The following XRCC3 variants were observed in gnomAD, a reference collection of about 807,000 sequenced individuals.
XRCC3 encodes the protein DNA repair protein XRCC3.
XRCC3 carries 34 observed loss-of-function variants against 29.2 expected under a neutral mutation model. That is an observed-to-expected ratio of 1.16 (90% CI 0.88 to 1.55). The LOEUF (loss-of-function observed/expected upper bound fraction) is 1.55. XRCC3 is among the 40% of genes most tolerant of loss of function. The probability of loss-of-function intolerance (pLI) is 0.00; values close to 1 mark genes in which losing one functional copy is unlikely to be tolerated. For synonymous variants in XRCC3, 223 were observed against 211.3 expected, an observed-to-expected ratio of 1.06 and a Z score of -0.48; for missense variants, 463 against 467.6, an observed-to-expected ratio of 0.99 and a Z score of 0.09.
chr14:103,699,311 G>A (rs1008315699), intron 8 of XRCC3, 53 bp downstream of exon 8: 16 of 1,552,066 alleles, frequency 1.0e-5, no homozygotes, highest in South Asian at 2.3e-5. Context: ...CTCTGCTTCC[G>A]CATCCTGGCT....
intron 2 of XRCC3, chr14:103,712,155 C>T (rs1297130987): frequency 5.4e-6 from 1 of 183,946 alleles, no homozygotes; most frequent in South Asian, 1.1e-4. Context: ...CCAGGCACCC[C>T]GTGAGGCGGG....
Position 103,711,191 on chromosome 14 carries a change from C to A in XRCC3, c.-104G>T. On this transcript the variant is annotated 5_prime_UTR_variant, in exon 4 of 10. Transcript: ENST00000555055. ...CCTTCAATTCAAAGCCTGTGGGAGG[C>A]CCGAACCAGGGAAGTGACAGCAGCC... 7.6e-7 allele frequency: 1 copy of A among 1,321,582 alleles called. No individual in the cohort carries two copies. Among genetic ancestry groups the A allele is most frequent in the Non-Finnish European group, 1.1e-6 (1 of 924,278 alleles). 81.9% of individuals were successfully genotyped at this position (1,321,582 alleles called of 1,614,324 possible). A position where few individuals can be genotyped will look rare whatever the true frequency, so the allele number is the denominator to read the frequency against.
At position 103,711,156 on chromosome 14, in the gene XRCC3, G is replaced by C; in HGVS notation, c.-69C>G. The C allele has an allele frequency of 3.2e-6, 5 of 1,565,048 alleles. No homozygotes were observed. Among genetic ancestry groups the C allele is most frequent in the Non-Finnish European group, 4.4e-6 (5 of 1,136,282 alleles). ...AGACAGAACAATGGATGCAAATTCTGAGGCACTCGCCTTCAATTCAAAGCC... is the reference window on the plus strand; with the variant it reads ...AGACAGAACAATGGATGCAAATTCTCAGGCACTCGCCTTCAATTCAAAGCC... On this transcript the variant is annotated 5_prime_UTR_variant, in exon 4 of 10. An upstream open reading frame in the 5' UTR gains an earlier in-frame stop. Coordinates refer to ENST00000555055, the MANE Select transcript of XRCC3 (RefSeq NM_005432.4).
At position 103,701,476 on chromosome 14, in the gene XRCC3, C is replaced by A. The variant is rs3212096; in HGVS notation, c.561+1697G>T. On this transcript the variant is annotated intron_variant, in intron 7 of 9. Transcript: ENST00000555055. The stretch of plus-strand genomic sequence containing the variant: ...CCCACGGCTCCCTTCCCATGTGTAA[C>A]TTCCTCACGTTGTGTGCGATAACGT... 3.3e-3 allele frequency: 1,424 copies of A among 431,216 alleles called. 14 individuals carry two copies. Among genetic ancestry groups the A allele is most frequent in the African/African-American group, 0.025 (1,262 of 50,130 alleles). The allele number at this position is 431,216 out of a possible 1,614,324, so 26.7% of individuals were successfully genotyped here.
intron 7 of XRCC3, 60 bp downstream of exon 7, chr14:103,703,113 T>C: frequency 6.5e-7 from 1 of 1,542,414 alleles, no homozygotes; most frequent in Non-Finnish European, 8.7e-7. Flanking sequence ...TGGCTACACC[T>C]GCCCCAATGG....
At chr14:103,703,415 T>C in intron 6 of XRCC3, 88 bp from the exon 7 acceptor site, 2 of 1,411,976 alleles carry the variant, frequency 1.4e-6, no homozygotes, top group South Asian at 1.2e-5. Flanking sequence ...TCTCCCGCCA[T>C]TTCTAACTCT....
chr14:103,703,889 C>T (rs2151933209), intron 6 of XRCC3: 1 of 171,316 alleles, frequency 5.8e-6, no homozygotes, highest in East Asian at 1.6e-4. Context: ...CCCCTGTGCA[C>T]TGCCGCTAGG....
chr14:103,703,051 C>G (rs1303919636), intron 7 of XRCC3, 122 bp downstream of exon 7: 20 of 1,450,002 alleles, frequency 1.4e-5, no homozygotes, highest in Admixed American at 2.0e-5. Flanking sequence ...ATGCTGTGTT[C>G]AGAGCTGAGC....
At chr14:103,706,707 C>T (rs567011064) in intron 6 of XRCC3, 50 of 471,356 alleles carry the variant, frequency 1.1e-4, no homozygotes, top group Middle Eastern at 6.2e-4. Context: ...CTGTGCGGAA[C>T]GTGGGCCGGC....
In XRCC3 at chr14:103,699,450, GGGCGGA is replaced by G. The variant is rs761813245; in HGVS notation, c.682_687del (p.Ser228_Ala229del). 1 of 1,612,922 alleles carries G rather than the reference GGGCGGA, an allele frequency of 6.2e-7. No individual in the cohort carries two copies. The highest frequency in any genetic ancestry group is 8.5e-7 in the Non-Finnish European group (1 of 1,179,968). ...AGGGACTGCAGATGCCTGGCCCTGG[GGGCGGA>G]GGCCTGGCTGTCAAATTCACAGCGG... On this transcript the variant is annotated inframe_deletion, in exon 8 of 10. Transcript: ENST00000555055.
intron 6 of XRCC3, chr14:103,703,665 T>G: frequency 2.1e-5 from 8 of 378,674 alleles, no homozygotes; most frequent in East Asian, 6.3e-5. Flanking sequence ...TGAACCTCCG[T>G]TCCCCACTGC....
chr14:103,713,271 C>T (rs909359023), intron 1 of XRCC3: 9 of 152,286 alleles, frequency 5.9e-5, no homozygotes, highest in African/African-American at 1.9e-4. Flanking sequence ...CTCTGCCTAA[C>T]GTGCTTTCAC....
chr14:103,699,054 TTGG>T (rs763255103), intron 9 of XRCC3, 37 bp from the exon 10 acceptor site: 20 of 1,565,476 alleles, frequency 1.3e-5, no homozygotes, highest in Admixed American at 5.6e-5. Flanking sequence ...GCGCTCAGGC[TTGG>T]TGGCCCCGCC....
chr14:103,699,693 C>T (rs2082956830), intron 7 of XRCC3, 117 bp from the exon 8 acceptor site: 2 of 949,514 alleles, frequency 2.1e-6, no homozygotes, highest in African/African-American at 1.6e-5. Flanking sequence ...CTGGGGCTCA[C>T]AGTGCCCATA....
Position 103,698,860 on chromosome 14 carries a change from A to G in XRCC3, c.979T>C (p.Ser327Pro), listed in dbSNP as rs2151902426. The G allele has an allele frequency of 6.2e-7, 1 of 1,607,492 alleles. No individual in the cohort carries two copies. Among genetic ancestry groups the G allele is most frequent in the Non-Finnish European group, 8.5e-7 (1 of 1,177,636 alleles). The part of the protein sequence containing the change: ...VLSAPHLPPS[S>P]CSYTISAEGV... ...TCGGCACTGATCGTGTAGGAACAGG[A>G]GGAGGGGGGCAGGTGGGGGGCAGAG... is the stretch of plus-strand genomic sequence containing the variant. Residue 327 changes from serine (S) to proline (P), a missense_variant, in exon 10 of 10, where the codon TCC (serine) becomes CCC (proline). Physicochemically the swap from Ser to Pro is moderately conservative, Grantham distance 74. Coordinates refer to ENST00000555055, the MANE Select transcript of XRCC3 (RefSeq NM_005432.4).
Position 103,698,944 on chromosome 14 carries a change from C to T in XRCC3, c.895G>A (p.Asp299Asn), listed in dbSNP as rs1364806690. The T allele has an allele frequency of 1.2e-6, 2 of 1,600,870 alleles. No homozygotes were observed. Among genetic ancestry groups the T allele is most frequent in the Non-Finnish European group, 1.7e-6 (2 of 1,173,966 alleles). ...ANQLLVRLLA[D>N]RLREEEAALG... ...GCAGCCTCTTCCTCGCGGAGCCGGT[C>T]AGCCAGCAGTCTCACCAGGAGCTGG... Residue 299 changes from aspartate (D) to asparagine (N), a missense_variant, in exon 10 of 10, where the codon GAC (aspartate) becomes AAC (asparagine). Asp to Asn is a conservative substitution (Grantham distance 23). Coordinates refer to ENST00000555055, the MANE Select transcript of XRCC3 (RefSeq NM_005432.4).
In XRCC3 at chr14:103,699,244, T is replaced by C. The variant is rs544850281; in HGVS notation, c.775-65A>G. The C allele has an allele frequency of 4.6e-4, 707 of 1,540,886 alleles. 3 individuals are homozygous for C. In the Admixed American group the frequency reaches 0.011, roughly 25 times the overall value. ...GTCTTCTCGATGGTTAGGCACAGGC[T>C]GCTACCCGCAGGAGCCGGAGGCCAC... is the stretch of plus-strand genomic sequence containing the variant. On this transcript the variant is annotated intron_variant, in intron 8 of 9. Coordinates refer to ENST00000555055, the MANE Select transcript of XRCC3 (RefSeq NM_005432.4).
intron 7 of XRCC3, 43 bp from the exon 8 acceptor site, chr14:103,699,619 C>A: frequency 6.2e-7 from 1 of 1,602,856 alleles, no homozygotes. Flanking sequence ...CAGCAAGTCC[C>A]CGCCCCAGGT....
intron 7 of XRCC3, chr14:103,701,903 A>G (rs1391846876): frequency 1.3e-5 from 2 of 149,718 alleles, no homozygotes; most frequent in Non-Finnish European, 1.5e-5. Flanking sequence ...GGGAAGGCCC[A>G]CCCAGGAGCT....
Sources: gnomAD v4.1 joint callset for allele counts on GRCh38, gnomAD v4.1.1 for gene constraint, MANE v1.5 for transcripts, NCBI Gene and HGNC (gene_info 2026-07-23, HGNC 2026-07-21) for gene names.